The following DPYD variants were observed in gnomAD, a reference collection of about 807,000 sequenced individuals.
DPYD encodes the protein dihydropyrimidine dehydrogenase, also known as dihydropyrimidine dehydrogenase [NADP(+)].
A neutral mutation model predicts 116.2 loss-of-function variants in DPYD; 109 were observed. That is an observed-to-expected ratio of 0.94 (90% CI 0.80 to 1.10). The LOEUF (loss-of-function observed/expected upper bound fraction) is 1.10, where lower values mean the gene tolerates loss of function less well. DPYD is among the 50% of genes least tolerant of loss of function. The pLI is 0.00. For missense variants in DPYD, 1,302 were observed against 1,254.5 expected (o/e 1.04, Z -0.57); for synonymous variants, 440 against 432.0 (o/e 1.02, Z -0.23).
intron 20 of DPYD, among the ~76,000 whole-genome samples, chr1:97,115,311 C>T (rs975396826): frequency 2.6e-5 from 4 of 152,182 alleles, no homozygotes; most frequent in Non-Finnish European, 4.4e-5. Flanking sequence ...TCCTTGACTA[C>T]CAGCATTGGC....
At chr1:97,337,108 G>A (rs1031855465) in intron 16 of DPYD, among the ~76,000 whole-genome samples, 1 of 152,180 alleles carries the variant, frequency 6.6e-6, no homozygotes, top group Non-Finnish European at 1.5e-5. Flanking sequence ...ATGAAAAATA[G>A]ACAAGTGTAT....
chr1:97,737,915 A>T (rs1025177636), intron 4 of DPYD, among the ~76,000 whole-genome samples: 1 of 152,180 alleles, frequency 6.6e-6, no homozygotes, highest in Non-Finnish European at 1.5e-5. Context: ...TCTATCACAA[A>T]GAAAAACTTT....
intron 1 of DPYD, among the ~76,000 whole-genome samples, chr1:97,894,190 G>C (rs975603427): frequency 3.3e-5 from 5 of 151,764 alleles, no homozygotes; most frequent in African/African-American, 1.2e-4. Flanking sequence ...TTTGCAGTGT[G>C]ATCATGTTGC....
intron 1 of DPYD, among the ~76,000 whole-genome samples, chr1:97,885,478 A>G (rs989431937): frequency 3.3e-5 from 5 of 152,082 alleles, no homozygotes; most frequent in Admixed American, 6.6e-5. Context: ...ATCATAAATG[A>G]CTTTCTAAAA....
At chr1:97,177,428 G>A (rs1657360865) in intron 20 of DPYD, among the ~76,000 whole-genome samples, 1 of 152,148 alleles carries the variant, frequency 6.6e-6, no homozygotes, top group African/African-American at 2.4e-5. Context: ...GATTTTGGAG[G>A]TTGCCAGTGG....
intron 19 of DPYD, among the ~76,000 whole-genome samples, chr1:97,200,776 G>C (rs780670686): frequency 1.3e-5 from 2 of 152,110 alleles, no homozygotes; most frequent in African/African-American, 4.8e-5. Flanking sequence ...CAGAGATCAG[G>C]AGTCCAGACT....
At chr1:97,306,809 T>C (rs1667202044) in intron 16 of DPYD, among the ~76,000 whole-genome samples, 1 of 151,992 alleles carries the variant, frequency 6.6e-6, no homozygotes, top group South Asian at 2.1e-4. Flanking sequence ...CTACATGTGA[T>C]ATATAGTATA....
intron 18 of DPYD, among the ~76,000 whole-genome samples, chr1:97,282,794 C>T (rs1353662341): frequency 1.3e-5 from 2 of 152,106 alleles, no homozygotes; most frequent in East Asian, 3.9e-4. Context: ...GTGTTTAGTT[C>T]CCACTTCCGA....
intron 16 of DPYD, among the ~76,000 whole-genome samples, chr1:97,329,765 A>G (rs1668893773): frequency 6.8e-6 from 1 of 147,472 alleles, no homozygotes; most frequent in Admixed American, 6.9e-5. Context: ...AAAAAAAAAA[A>G]AGGAAAGAAA....
intron 12 of DPYD, among the ~76,000 whole-genome samples, chr1:97,520,264 A>G (rs1467780909): frequency 6.6e-6 from 1 of 152,140 alleles, no homozygotes; most frequent in African/African-American, 2.4e-5. Context: ...ACCACCAAAT[A>G]AACACAAAAT....
At chr1:97,892,194 A>T (rs529706927) in intron 1 of DPYD, among the ~76,000 whole-genome samples, 38 of 151,982 alleles carry the variant, frequency 2.5e-4, no homozygotes, top group African/African-American at 8.7e-4. Flanking sequence ...TTATCAATAA[A>T]TATTCTCAGC....
chr1:97,173,360 A>ATATATACATATATGTGTG (rs1557912144), intron 20 of DPYD, among the ~76,000 whole-genome samples: 2 of 149,422 alleles, frequency 1.3e-5, no homozygotes, highest in Non-Finnish European at 3.0e-5. Context: ...ATATATGTAC[A>ATATATACATATATGTGTG]TATATACATA....
At chr1:97,864,319 C>T (rs1671265193) in intron 2 of DPYD, among the ~76,000 whole-genome samples, 1 of 151,802 alleles carries the variant, frequency 6.6e-6, no homozygotes, top group African/African-American at 2.4e-5. Flanking sequence ...GGCTGGGGGC[C>T]TGGGAAAGAT....
At chr1:97,234,370 G>T (rs769401676) in intron 19 of DPYD, among the ~76,000 whole-genome samples, 3 of 152,116 alleles carry the variant, frequency 2.0e-5, no homozygotes, top group African/African-American at 7.2e-5. Flanking sequence ...CCTCAGCTTT[G>T]TACCACAAGA....
At chr1:97,715,710 G>C (rs754067538) in intron 5 of DPYD, among the ~76,000 whole-genome samples, 8 of 152,150 alleles carry the variant, frequency 5.3e-5, no homozygotes, top group Non-Finnish European at 7.4e-5. Context: ...CACAGCTAGA[G>C]TATTTCCAAC....
chr1:97,537,248 CT>C (rs1013861146), intron 12 of DPYD, among the ~76,000 whole-genome samples: 3 of 152,134 alleles, frequency 2.0e-5, no homozygotes, highest in African/African-American at 4.8e-5. Flanking sequence ...CCATTCTTCA[CT>C]TTTTTTCCCA....
At chr1:97,105,952 A>C (rs1234132478) in intron 20 of DPYD, among the ~76,000 whole-genome samples, 1 of 152,126 alleles carries the variant, frequency 6.6e-6, no homozygotes, top group Non-Finnish European at 1.5e-5. Flanking sequence ...AATATACTAA[A>C]TGTCAGGGAG....
intron 4 of DPYD, among the ~76,000 whole-genome samples, chr1:97,738,257 T>C (rs1305348796): frequency 6.6e-6 from 1 of 152,152 alleles, no homozygotes; most frequent in Non-Finnish European, 1.5e-5. Context: ...TTGATGAATC[T>C]GAAATGTGTA....
At chr1:97,600,273 T>C (rs192740096) in intron 8 of DPYD, among the ~76,000 whole-genome samples, 1 of 152,248 alleles carries the variant, frequency 6.6e-6, no homozygotes, top group Admixed American at 6.5e-5. Context: ...CTTTTGTATG[T>C]GAGATCTCAC....
Sources: allele counts gnomAD v4.1 joint callset (sites outside exome capture counted in the v4.1 genomes callset), GRCh38; gene constraint gnomAD v4.1.1; transcripts MANE v1.5; gene names NCBI Gene and HGNC (gene_info 2026-07-23, HGNC 2026-07-21).